PRKCA: variants seen among roughly 807,000 people sequenced by gnomAD.
The protein encoded by PRKCA is protein kinase C alpha, also known as protein kinase C alpha type.
A neutral mutation model predicts 87.0 loss-of-function variants in PRKCA; 27 were observed. That is an observed-to-expected ratio of 0.31 (90% CI 0.23 to 0.43). The LOEUF (loss-of-function observed/expected upper bound fraction) is 0.43, where lower values mean the gene tolerates loss of function less well. Among genes scored for constraint, PRKCA ranks in the 20% least tolerant of loss-of-function variants. PRKCA has a pLI of 1.00. For synonymous variants in PRKCA, 329 were observed against 311.1 expected (o/e 1.06, Z -0.61); for missense variants, 518 against 852.3 (o/e 0.61, Z 4.88).
chr17:66,533,470 G>A (rs1049750786), intron 3 of PRKCA, among the ~76,000 whole-genome samples: 1 of 152,184 alleles, frequency 6.6e-6, no homozygotes, highest in Non-Finnish European at 1.5e-5. Flanking sequence ...CATGTGTCTT[G>A]AAACAAGTCG....
intron 11 of PRKCA, among the ~76,000 whole-genome samples, chr17:66,740,124 G>A (rs539484299): frequency 5.6e-5 from 8 of 142,898 alleles, no homozygotes; most frequent in South Asian, 2.3e-4. Flanking sequence ...GGCTTGGGTC[G>A]GGGCAGCCAC....
At chr17:66,502,431 C>T (rs1056053437) in intron 3 of PRKCA, among the ~76,000 whole-genome samples, 1 of 152,052 alleles carries the variant, frequency 6.6e-6, no homozygotes, top group African/African-American at 2.4e-5. Flanking sequence ...GACGGAGTTT[C>T]ACCGTGTTGG....
At chr17:66,321,954 A>G (rs1259582847) in intron 2 of PRKCA, among the ~76,000 whole-genome samples, 2 of 152,190 alleles carry the variant, frequency 1.3e-5, no homozygotes, top group African/African-American at 4.8e-5. Flanking sequence ...CCTTGGCTCT[A>G]ACAACTGGAG....
intron 8 of PRKCA, among the ~76,000 whole-genome samples, chr17:66,697,322 T>C (rs1353124755): frequency 6.6e-6 from 1 of 152,238 alleles, no homozygotes; most frequent in African/African-American, 2.4e-5. Flanking sequence ...ATCATTCCCC[T>C]GTAGACGCAT....
intron 3 of PRKCA, among the ~76,000 whole-genome samples, chr17:66,545,232 T>C (rs770540727): frequency 6.6e-6 from 1 of 152,028 alleles, no homozygotes; most frequent in Admixed American, 6.5e-5. Context: ...ATCGAGACCA[T>C]CCTGGCTAAC....
chr17:66,472,946 G>A (rs907500537), intron 2 of PRKCA, among the ~76,000 whole-genome samples: 5 of 152,154 alleles, frequency 3.3e-5, no homozygotes, highest in Non-Finnish European at 7.3e-5. Flanking sequence ...GAGCCCTTAA[G>A]CATGGCTTGT....
At chr17:66,742,986 C>T (rs961894663) in intron 13 of PRKCA, among the ~76,000 whole-genome samples, 1 of 152,182 alleles carries the variant, frequency 6.6e-6, no homozygotes, top group Non-Finnish European at 1.5e-5. Context: ...CCATGTGAGC[C>T]AGTTGCTTGG....
In PRKCA at chr17:66,732,856, G is replaced by C. The variant is rs372381124; in HGVS notation, c.1056+31G>C. The stretch of plus-strand genomic sequence containing the variant: ...AGGACAGTCGTCTGCAAATTGCAGG[G>C]GCTTCTGCAGAGAATGTCGAATCAG... On this transcript the variant is annotated intron_variant, in intron 9 of 16. Transcript: ENST00000413366. 23 of 1,597,750 alleles carry C rather than the reference G, an allele frequency of 1.4e-5. No homozygotes were observed. The African/African-American group carries it at 2.8e-4, about 20-fold the overall frequency.
At chr17:66,390,214 C>G (rs969723424) in intron 2 of PRKCA, among the ~76,000 whole-genome samples, 2 of 116,724 alleles carry the variant, frequency 1.7e-5, no homozygotes, top group Non-Finnish European at 3.7e-5. Context: ...AAGAGTGAAA[C>G]TCAGTCTCAA....
chr17:66,436,881 G>A lies in PRKCA; in HGVS notation c.206-59320G>A, dbSNP rs1026381395. Among the ~76,000 whole-genome samples the A allele has an allele frequency of 4.6e-5, 7 of 152,284 alleles. 1 individual carries two copies. The highest frequency in any genetic ancestry group is 3.9e-4 in the Admixed American group (6 of 15,284). Reference sequence around the variant, plus strand: ...AGATGTCGTATAAGTCAGATACAATGAGAATTAAGTGAAAATTGAGGCTAA... The same window carrying A: ...AGATGTCGTATAAGTCAGATACAATAAGAATTAAGTGAAAATTGAGGCTAA... On this transcript the variant is annotated intron_variant, in intron 2 of 16. Transcript: ENST00000413366.
At chr17:66,751,277 A>G (rs1974421132) in intron 13 of PRKCA, among the ~76,000 whole-genome samples, 1 of 152,206 alleles carries the variant, frequency 6.6e-6, no homozygotes, top group African/African-American at 2.4e-5. Flanking sequence ...AAGTGGTATT[A>G]TTCATGCTTT....
At chr17:66,336,642 T>C (rs555645156) in intron 2 of PRKCA, among the ~76,000 whole-genome samples, 101 of 132,096 alleles carry the variant, frequency 7.6e-4, no homozygotes, top group African/African-American at 3.9e-3. Context: ...TGTTATATAG[T>C]AAATTATTAA....
Position 66,308,168 on chromosome 17 carries a change from A to G in PRKCA, c.205+2041A>G, listed in dbSNP as rs568908821. ...GGACACTAGTATAGGTATTTCTACA[A>G]TAGATAGCCAGAAGTGTGTATGTGT... On this transcript the variant is annotated intron_variant, in intron 2 of 16. Transcript: ENST00000413366. Among the ~76,000 whole-genome samples, 14 of 152,290 alleles carry G rather than the reference A, an allele frequency of 9.2e-5. No homozygotes were observed. In the East Asian group the frequency reaches 2.7e-3, roughly 29 times the overall value.
rs150112218 is a variant in PRKCA, at chr17:66,433,657, G to A, written c.206-62544G>A. Among the ~76,000 whole-genome samples, 31 of 152,208 alleles carry A rather than the reference G, an allele frequency of 2.0e-4. No homozygotes were observed. In the East Asian group the frequency reaches 5.2e-3, roughly 26 times the overall value. On this transcript the variant is annotated intron_variant, in intron 2 of 16. Transcript: ENST00000413366. Reference sequence around the variant, plus strand: ...CCTCCCGGGTTCAAGCAATTCTCAGGCCACAGCCTCCCGAGTAGCTGGGAC... The same window carrying A: ...CCTCCCGGGTTCAAGCAATTCTCAGACCACAGCCTCCCGAGTAGCTGGGAC...
chr17:66,524,247 G>A (rs1325060199), intron 3 of PRKCA, among the ~76,000 whole-genome samples: 1 of 152,226 alleles, frequency 6.6e-6, no homozygotes, highest in Non-Finnish European at 1.5e-5. Context: ...AAGGGGCATT[G>A]TTCAGTGGAA....
At chr17:66,553,498 T>C (rs1175996963) in intron 3 of PRKCA, among the ~76,000 whole-genome samples, 3 of 152,218 alleles carry the variant, frequency 2.0e-5, no homozygotes, top group African/African-American at 4.8e-5. Context: ...TTAACTCTTA[T>C]CCTCTTAAGT....
At chr17:66,579,495 C>T (rs894505283) in intron 3 of PRKCA, among the ~76,000 whole-genome samples, 11 of 152,312 alleles carry the variant, frequency 7.2e-5, no homozygotes, top group Admixed American at 5.2e-4. Flanking sequence ...TACCTCATCA[C>T]GTCCTCATAC....
intron 5 of PRKCA, among the ~76,000 whole-genome samples, chr17:66,656,926 A>G (rs1971749856): frequency 6.6e-6 from 1 of 152,200 alleles, no homozygotes; most frequent in Non-Finnish European, 1.5e-5. Flanking sequence ...TCTTAGCAAA[A>G]AATATGTATA....
chr17:66,755,101 G>A (rs550341331), intron 13 of PRKCA, among the ~76,000 whole-genome samples: 190 of 152,168 alleles, frequency 1.2e-3, no homozygotes, highest in African/African-American at 4.4e-3. Flanking sequence ...TAGCCTTACC[G>A]AAGAGCTAAA....
Sources: allele counts gnomAD v4.1 joint callset (sites outside exome capture counted in the v4.1 genomes callset), GRCh38; gene constraint gnomAD v4.1.1; transcripts MANE v1.5; gene names NCBI Gene and HGNC (gene_info 2026-07-23, HGNC 2026-07-21).